The following FHIP1A variants were observed in gnomAD, a reference collection of about 807,000 sequenced individuals.
FHIP1A encodes the protein FHF complex subunit HOOK-interacting protein 1A.
FHIP1A carries 61 observed loss-of-function variants against 88.6 expected under a neutral mutation model. That is an observed-to-expected ratio of 0.69 (90% CI 0.56 to 0.85). FHIP1A has a LOEUF of 0.85. Ranked by LOEUF, FHIP1A falls within the 40% of genes least tolerant of loss-of-function variation. The pLI, the probability that FHIP1A is intolerant of heterozygous loss-of-function variation, is 0.00. For missense variants in FHIP1A, 1,154 were observed against 1,273.5 expected, an observed-to-expected ratio of 0.91 and a Z score of 1.43; for synonymous variants, 478 against 496.0, an observed-to-expected ratio of 0.96 and a Z score of 0.48.
In FHIP1A at chr4:151,669,744, C is replaced by T. The variant is rs1737792735; in HGVS notation, c.*6990C>T. 6.6e-6 allele frequency: 1 copy of T among 152,144 alleles called. No homozygotes were observed. The highest frequency in any genetic ancestry group is 1.5e-5 in the Non-Finnish European group (1 of 68,036). The allele number at this position is 152,144 out of a possible 1,614,324, so 9.4% of individuals were successfully genotyped here. A position where few individuals can be genotyped will look rare whatever the true frequency, so the allele number is the denominator to read the frequency against. ...GGCTTCCCGGGTAAGGTCACATAGT[C>T]TCTTAAAATTCTGTCACTAATTTTT... On this transcript the variant is annotated 3_prime_UTR_variant, in exon 14 of 14. Coordinates refer to ENST00000435205, the MANE Select transcript of FHIP1A (RefSeq NM_001109977.3).
intron 3 of FHIP1A, among the ~76,000 whole-genome samples, chr4:151,501,274 A>G (rs1183091638): frequency 3.3e-5 from 5 of 152,130 alleles, no homozygotes; most frequent in Non-Finnish European, 5.9e-5. Context: ...GTTCTTTCAG[A>G]TATTTAGCTA....
chr4:151,486,116 C>G lies in FHIP1A; in HGVS notation c.-123+3468C>G, dbSNP rs376363515. On this transcript the variant is annotated intron_variant, in intron 3 of 13. Coordinates refer to ENST00000435205, the MANE Select transcript of FHIP1A (RefSeq NM_001109977.3). ...ATAAGGTTTGCGCTTCTATGAGAAT[C>G]TAATGCCACTGCTGATCTAACAGGA... 2.6e-5 allele frequency among the ~76,000 whole-genome samples: 4 copies of G among 152,254 alleles called. No homozygotes were observed. In the South Asian group the frequency reaches 8.3e-4, roughly 32 times the overall value.
At chr4:151,467,819 G>A (rs1375722872) in intron 2 of FHIP1A, among the ~76,000 whole-genome samples, 1 of 151,964 alleles carries the variant, frequency 6.6e-6, no homozygotes, top group Non-Finnish European at 1.5e-5. Context: ...ACACACACCA[G>A]GACCTGTCAG....
chr4:151,596,191 C>T (rs1734641835), intron 7 of FHIP1A, among the ~76,000 whole-genome samples: 1 of 152,162 alleles, frequency 6.6e-6, no homozygotes, highest in African/African-American at 2.4e-5. Context: ...TTTAGTGCTT[C>T]CTTCAGGAGC....
At chr4:151,459,177 T>A (rs181079073) in intron 2 of FHIP1A, among the ~76,000 whole-genome samples, 2,012 of 152,134 alleles carry the variant, frequency 0.013, 18 homozygotes, top group Middle Eastern at 0.02. Context: ...AATTTTTTTT[T>A]AAAGTATATA....
chr4:151,557,575 G>A (rs1732999017), intron 3 of FHIP1A, among the ~76,000 whole-genome samples: 1 of 151,686 alleles, frequency 6.6e-6, no homozygotes, highest in African/African-American at 2.4e-5. Flanking sequence ...GCAGAATATG[G>A]GAGAGTTGTG....
chr4:151,506,466 A>G (rs75492936), intron 3 of FHIP1A, among the ~76,000 whole-genome samples: 19 of 152,306 alleles, frequency 1.2e-4, no homozygotes, highest in East Asian at 5.8e-4. Context: ...ATGGTTCTGT[A>G]GGCTGTAAAA....
intron 3 of FHIP1A, among the ~76,000 whole-genome samples, chr4:151,485,170 T>A (rs1730032439): frequency 6.6e-6 from 1 of 152,184 alleles, no homozygotes; most frequent in Admixed American, 6.5e-5. Context: ...TAAATTATAA[T>A]CTGTGCCTTC....
At chr4:151,433,498 A>G (rs1476819012) in intron 1 of FHIP1A, among the ~76,000 whole-genome samples, 1 of 152,124 alleles carries the variant, frequency 6.6e-6, no homozygotes, top group Non-Finnish European at 1.5e-5. Flanking sequence ...AGGAGGACAG[A>G]CTACTTAGAT....
intron 3 of FHIP1A, among the ~76,000 whole-genome samples, chr4:151,559,012 A>G (rs1733066819): frequency 2.0e-5 from 3 of 152,198 alleles, no homozygotes; most frequent in Admixed American, 2.0e-4. Context: ...GTATATATTT[A>G]TTCCATTGGA....
chr4:151,649,584 A>G lies in FHIP1A; in HGVS notation c.1543A>G (p.Met515Val). ...GGCCCACACCAACATCCTCCGCTGC[A>G]TGAGGGACTGCCGTGTCTGGTCCGC... ...WEAHTNILRC[M>V]RDCRVWSALY... The change falls in exon 11 of 14, where the codon ATG becomes GTG. Residue 515 changes from methionine to valine, a missense_variant. Coordinates refer to ENST00000435205, the MANE Select transcript of FHIP1A (RefSeq NM_001109977.3). 2 of 1,551,726 alleles carry G rather than the reference A, an allele frequency of 1.3e-6. No homozygotes were observed. The highest frequency in any genetic ancestry group is 1.2e-5 in the South Asian group (1 of 84,064).
intron 13 of FHIP1A, among the ~76,000 whole-genome samples, chr4:151,660,370 A>G (rs1737408838): frequency 6.6e-6 from 1 of 152,216 alleles, no homozygotes; most frequent in African/African-American, 2.4e-5. Flanking sequence ...AGCTAGACAA[A>G]TGAGTCACAA....
chr4:151,641,677 G>A (rs1736594708), intron 9 of FHIP1A, among the ~76,000 whole-genome samples: 1 of 152,116 alleles, frequency 6.6e-6, no homozygotes, highest in African/African-American at 2.4e-5. Flanking sequence ...TTTTAAGGGA[G>A]GGAATTTTCT....
chr4:151,573,815 G>A (rs1221169867), intron 4 of FHIP1A, among the ~76,000 whole-genome samples: 1 of 152,098 alleles, frequency 6.6e-6, no homozygotes, highest in African/African-American at 2.4e-5. Flanking sequence ...AGTTTGATGG[G>A]AGTGATATGA....
intron 7 of FHIP1A, among the ~76,000 whole-genome samples, chr4:151,626,513 G>A (rs1024177087): frequency 6.6e-6 from 1 of 152,160 alleles, no homozygotes; most frequent in Non-Finnish European, 1.5e-5. Context: ...TTATCTTAGG[G>A]ATAATTACTC....
At chr4:151,451,246 T>C (rs889478156) in intron 1 of FHIP1A, among the ~76,000 whole-genome samples, 1 of 152,166 alleles carries the variant, frequency 6.6e-6, no homozygotes, top group Non-Finnish European at 1.5e-5. Context: ...AAACTTTCAT[T>C]ATGTACTATA....
At chr4:151,600,835 G>A (rs1478017712) in intron 7 of FHIP1A, among the ~76,000 whole-genome samples, 1 of 152,216 alleles carries the variant, frequency 6.6e-6, no homozygotes, top group African/African-American at 2.4e-5. Flanking sequence ...GACTCCGAGA[G>A]TGAGTGTGCC....
At position 151,586,748 on chromosome 4, in the gene FHIP1A, T is replaced by G. The variant is rs771854001; in HGVS notation, c.840T>G (p.Pro280=). 12 of 1,551,448 alleles carry G rather than the reference T, an allele frequency of 7.7e-6. 1 individual carries two copies. The South Asian group carries it at 1.4e-4, about 18-fold the overall frequency. The change falls in exon 6 of 14, where the codon CCT becomes CCG. Residue 280 remains proline, a synonymous_variant. Transcript: ENST00000435205. ...CLLKDDWLLL[P]SLVQFMNSLE... is the part of the protein sequence containing the mutation. ...TGAAAGATGACTGGCTTCTACTTCCTTCTCTTGTCCAGTTCATGAACTCCC... is the reference window on the plus strand; with the variant it reads ...TGAAAGATGACTGGCTTCTACTTCCGTCTCTTGTCCAGTTCATGAACTCCC...
At chr4:151,510,587 C>A (rs905737600) in intron 3 of FHIP1A, among the ~76,000 whole-genome samples, 1 of 152,164 alleles carries the variant, frequency 6.6e-6, no homozygotes, top group African/African-American at 2.4e-5. Context: ...ATTTTTTGAA[C>A]CTCATCTGTC....
Sources: gnomAD v4.1 joint callset for allele counts (sites outside exome capture counted in the v4.1 genomes callset) on GRCh38, gnomAD v4.1.1 for gene constraint, MANE v1.5 for transcripts, NCBI Gene and HGNC (gene_info 2026-07-23, HGNC 2026-07-21) for gene names.